CMSS1: variants seen among roughly 807,000 people sequenced by gnomAD.
The protein encoded by CMSS1 is cms1 ribosomal small subunit homolog.
Under a neutral mutation model 43.5 loss-of-function variants are expected in CMSS1, and 33 were observed. The observed-to-expected ratio is 0.76, with a 90% CI of 0.57 to 1.01. The LOEUF (loss-of-function observed/expected upper bound fraction) is 1.01. Among genes scored for constraint, CMSS1 ranks in the 50% least tolerant of loss-of-function variants. The pLI, the probability that CMSS1 is intolerant of heterozygous loss-of-function variation, is 0.00. For synonymous variants in CMSS1, 115 were observed against 117.2 expected, an observed-to-expected ratio of 0.98 and a Z score of 0.12; for missense variants, 313 against 326.4, an observed-to-expected ratio of 0.96 and a Z score of 0.32.
In CMSS1 at chr3:100,062,093, C is replaced by CTTTTTTTTT. The variant is rs71907944; in HGVS notation, c.65-84852_65-84844dup. 3.8e-3 allele frequency among the ~76,000 whole-genome samples: 202 copies of CTTTTTTTTT among 53,182 alleles called. 44 individuals are homozygous for CTTTTTTTTT. Among genetic ancestry groups the CTTTTTTTTT allele is most frequent in the African/African-American group, 5.6e-3 (63 of 11,244 alleles). The allele number at this position is 53,182 out of a possible 152,430, so 34.9% of individuals were successfully genotyped here. ...CCACTTGTGGTTATCCTGTCTTCTTCTTTTTTTTTTTTTTTTTTTTTTTTT... is the reference window on the plus strand; with the variant it reads ...CCACTTGTGGTTATCCTGTCTTCTTCTTTTTTTTTTTTTTTTTTTTTTTTTTTTTTTTTT... On this transcript the variant is annotated intron_variant, in intron 1 of 9. Coordinates refer to ENST00000421999, the MANE Select transcript of CMSS1 (RefSeq NM_032359.4).
Position 100,166,378 on chromosome 3 carries a change from C to T in CMSS1, c.399C>T (p.Ser133=), listed in dbSNP as rs1408322950. The change falls in exon 5 of 10, where the codon TCC becomes TCT. Residue 133 remains serine (S), a synonymous_variant. Coordinates refer to ENST00000421999, the MANE Select transcript of CMSS1 (RefSeq NM_032359.4). ...CCAATGATTTGACTCACAGTCTTTC[C>T]TCATACCTAAAAGAAAGTAAGTAAA... The part of the protein sequence containing the change: ...LKANDLTHSL[S]SYLKEICPKW... 1.9e-6 allele frequency: 3 copies of T among 1,589,050 alleles called. No homozygotes were observed. Among genetic ancestry groups the T allele is most frequent in the Non-Finnish European group, 2.6e-6 (3 of 1,157,824 alleles).
rs567311530 is a variant in CMSS1, at chr3:99,976,442, A to AC, written c.64+158405dup. Among the ~76,000 whole-genome samples, 36 of 152,218 alleles carry AC rather than the reference A, an allele frequency of 2.4e-4. No homozygotes were observed. In the South Asian group the frequency reaches 6.2e-3, roughly 26 times the overall value. On this transcript the variant is annotated intron_variant, in intron 1 of 9. Transcript: ENST00000421999. Reference sequence around the variant, plus strand: ...AGATATCATGAACTTAGAAACAGTAACCCCCCAAGAGAATTGCAGCCAAAC... The same window carrying AC: ...AGATATCATGAACTTAGAAACAGTAACCCCCCCAAGAGAATTGCAGCCAAAC...
At chr3:100,056,858 G>A (rs1458988630) in intron 1 of CMSS1, among the ~76,000 whole-genome samples, 1 of 152,100 alleles carries the variant, frequency 6.6e-6, no homozygotes, top group Non-Finnish European at 1.5e-5. Context: ...CAAAAAATTA[G>A]CCGGGTGTGA....
At chr3:99,938,091 G>A (rs190152520) in intron 1 of CMSS1, among the ~76,000 whole-genome samples, 9 of 150,354 alleles carry the variant, frequency 6.0e-5, no homozygotes, top group South Asian at 4.2e-4. Flanking sequence ...GCGCGCGCGC[G>A]TGCATGCACA....
intron 1 of CMSS1, among the ~76,000 whole-genome samples, chr3:99,833,546 G>A (rs1364492107): frequency 6.6e-6 from 1 of 152,188 alleles, no homozygotes; most frequent in Non-Finnish European, 1.5e-5. Context: ...AACAAAATCA[G>A]CATTTATGGA....
In CMSS1 at chr3:99,908,072, A is replaced by G. The variant is rs564185988; in HGVS notation, c.64+90029A>G. The stretch of plus-strand genomic sequence containing the variant: ...TGGCCAAGGATTTTTAAACTGTCCA[A>G]TTGTTTTTGTGTCTTCTCTGTCAGT... On this transcript the variant is annotated intron_variant, in intron 1 of 9. Coordinates refer to ENST00000421999, the MANE Select transcript of CMSS1 (RefSeq NM_032359.4). 9.4e-4 allele frequency among the ~76,000 whole-genome samples: 143 copies of G among 152,300 alleles called. 1 individual carries two copies. Among genetic ancestry groups the G allele is most frequent in the African/African-American group, 3.0e-3 (125 of 41,572 alleles).
At chr3:100,062,879 ACAT>A (rs1382040760) in intron 1 of CMSS1, among the ~76,000 whole-genome samples, 1 of 152,190 alleles carries the variant, frequency 6.6e-6, no homozygotes, top group African/African-American at 2.4e-5. Context: ...TACAAAGTGG[ACAT>A]CATGAGACCT....
At chr3:99,934,207 C>T (rs1707583884) in intron 1 of CMSS1, among the ~76,000 whole-genome samples, 1 of 152,104 alleles carries the variant, frequency 6.6e-6, no homozygotes, top group South Asian at 2.1e-4. Context: ...AGCCCAGATT[C>T]AAGATTGAGG....
intron 2 of CMSS1, among the ~76,000 whole-genome samples, chr3:100,153,358 C>G (rs1180808551): frequency 6.6e-6 from 1 of 152,206 alleles, no homozygotes; most frequent in East Asian, 1.9e-4. Context: ...TTAGATTCCT[C>G]CATGTCAGTG....
chr3:100,062,617 C>A (rs1378031103), intron 1 of CMSS1, among the ~76,000 whole-genome samples: 1 of 152,204 alleles, frequency 6.6e-6, no homozygotes, highest in East Asian at 1.9e-4. Flanking sequence ...AGCTACATCA[C>A]CTCTGCTGCC....
chr3:99,895,600 C>G (rs1706226112), intron 1 of CMSS1, among the ~76,000 whole-genome samples: 1 of 151,796 alleles, frequency 6.6e-6, no homozygotes, highest in Non-Finnish European at 1.5e-5. Context: ...TTTTTTTAAC[C>G]TATAGATTGG....
At chr3:99,980,416 G>A (rs1017716812) in intron 1 of CMSS1, among the ~76,000 whole-genome samples, 11 of 152,098 alleles carry the variant, frequency 7.2e-5, no homozygotes, top group African/African-American at 2.7e-4. Context: ...GATATGTTAG[G>A]TAACTGCCCC....
intron 8 of CMSS1, among the ~76,000 whole-genome samples, chr3:100,173,973 A>G (rs1320680992): frequency 6.6e-6 from 1 of 152,236 alleles, no homozygotes; most frequent in Non-Finnish European, 1.5e-5. Flanking sequence ...CAAAATGCCA[A>G]TAAAGAGCTC....
intron 1 of CMSS1, among the ~76,000 whole-genome samples, chr3:100,078,661 C>G (rs528889662): frequency 6.6e-6 from 1 of 152,220 alleles, no homozygotes; most frequent in African/African-American, 2.4e-5. Flanking sequence ...GAGGCCGAGG[C>G]AGGCAGATCA....
intron 1 of CMSS1, chr3:100,113,949 C>A (rs61255658): frequency 0.054 from 8,284 of 152,150 alleles, 414 homozygotes; most frequent in East Asian, 0.17. Context: ...ATAATATTCA[C>A]AAGATCCTAC....
intron 1 of CMSS1, among the ~76,000 whole-genome samples, chr3:100,004,875 G>A (rs904193800): frequency 6.6e-6 from 1 of 152,198 alleles, no homozygotes; most frequent in Non-Finnish European, 1.5e-5. Context: ...ATTAGAGGCA[G>A]GAGAATTATT....
At chr3:99,977,080 G>A (rs1708994792) in intron 1 of CMSS1, among the ~76,000 whole-genome samples, 1 of 152,164 alleles carries the variant, frequency 6.6e-6, no homozygotes, top group African/African-American at 2.4e-5. Flanking sequence ...TCTATGTTAG[G>A]ATTTGCTGCT....
chr3:100,000,951 T>C (rs1709824529), intron 1 of CMSS1, among the ~76,000 whole-genome samples: 1 of 152,228 alleles, frequency 6.6e-6, no homozygotes, highest in Admixed American at 6.5e-5. Flanking sequence ...CTCCTTGATT[T>C]AATGCCAACT....
intron 1 of CMSS1, among the ~76,000 whole-genome samples, chr3:100,130,784 T>G (rs2107499285): frequency 6.6e-6 from 1 of 152,362 alleles, no homozygotes; most frequent in South Asian, 2.1e-4. Flanking sequence ...ATTTACCTGG[T>G]CCTTGAACTT....
Sources: gnomAD v4.1 joint callset for allele counts (sites outside exome capture counted in the v4.1 genomes callset) on GRCh38, gnomAD v4.1.1 for gene constraint, MANE v1.5 for transcripts, NCBI Gene and HGNC (gene_info 2026-07-23, HGNC 2026-07-21) for gene names.